Variants in CCBE1 observed in about 807,000 individuals in gnomAD.
The protein encoded by CCBE1 is collagen and calcium-binding EGF domain-containing protein 1.
A neutral mutation model predicts 50.0 loss-of-function variants in CCBE1; 37 were observed. The observed-to-expected ratio is 0.74, with a 90% CI of 0.57 to 0.97. CCBE1 has a LOEUF of 0.97. CCBE1 is among the 50% of genes least tolerant of loss of function. The pLI, the probability that CCBE1 is intolerant of heterozygous loss-of-function variation, is 0.00. For synonymous variants in CCBE1, 234 were observed against 203.7 expected (o/e 1.15, Z -1.27); for missense variants, 538 against 523.8 (o/e 1.03, Z -0.26).
intron 5 of CCBE1, among the ~76,000 whole-genome samples, chr18:59,457,875 C>G (rs17065825): frequency 0.19 from 28,342 of 152,198 alleles, 2,753 homozygotes; most frequent in Admixed American, 0.21. Context: ...CTCCAACAGA[C>G]TAAGGCAGGC....
intron 2 of CCBE1, among the ~76,000 whole-genome samples, chr18:59,589,424 T>C (rs1179186180): frequency 6.6e-6 from 1 of 152,130 alleles, no homozygotes; most frequent in Non-Finnish European, 1.5e-5. Flanking sequence ...CACAAAAGAC[T>C]ATTTCAACCA....
chr18:59,473,491 T>C (rs1351109082), intron 3 of CCBE1, among the ~76,000 whole-genome samples: 1 of 152,180 alleles, frequency 6.6e-6, no homozygotes, highest in Non-Finnish European at 1.5e-5. Flanking sequence ...TTGAATTATA[T>C]CTTTAAGAAC....
At chr18:59,498,166 T>A (rs887596859) in intron 2 of CCBE1, among the ~76,000 whole-genome samples, 1 of 152,086 alleles carries the variant, frequency 6.6e-6, no homozygotes, top group Non-Finnish European at 1.5e-5. Flanking sequence ...TGGAGATTCA[T>A]GTGGCATTTC....
intron 2 of CCBE1, among the ~76,000 whole-genome samples, chr18:59,589,160 G>A (rs888295147): frequency 3.9e-5 from 6 of 152,104 alleles, no homozygotes. Context: ...TCTCTTTCCT[G>A]GTCTCTATCT....
chr18:59,599,058 C>T (rs982265946), intron 2 of CCBE1, among the ~76,000 whole-genome samples: 1 of 152,152 alleles, frequency 6.6e-6, no homozygotes, highest in Admixed American at 6.5e-5. Flanking sequence ...TTTCCTCCTC[C>T]CTTCTTCGTT....
chr18:59,455,002 G>T (rs1400296074), intron 5 of CCBE1, 51 bp from the exon 6 acceptor site: 6 of 1,413,078 alleles, frequency 4.2e-6, no homozygotes, highest in South Asian at 1.1e-5. Flanking sequence ...ATGCAAGCCA[G>T]ACCCAGAGAG....
intron 2 of CCBE1, among the ~76,000 whole-genome samples, chr18:59,632,085 A>T (rs1284807837): frequency 6.6e-6 from 1 of 152,220 alleles, no homozygotes; most frequent in Admixed American, 6.5e-5. Flanking sequence ...ATAACTAAGC[A>T]TTGAATTTTC....
chr18:59,563,433 T>C (rs2144458765), intron 2 of CCBE1, among the ~76,000 whole-genome samples: 1 of 152,280 alleles, frequency 6.6e-6, no homozygotes, highest in Middle Eastern at 3.4e-3. Flanking sequence ...TATAGAAAAA[T>C]TGAAGTAAAA....
intron 2 of CCBE1, among the ~76,000 whole-genome samples, chr18:59,652,938 T>C (rs184630161): frequency 2.7e-5 from 4 of 147,810 alleles, no homozygotes; most frequent in African/African-American, 1.0e-4. Flanking sequence ...CACTCCAGCC[T>C]GGGAAACAAA....
At chr18:59,469,691 T>A in intron 3 of CCBE1, 84 bp from the exon 4 acceptor site, 1 of 1,577,344 alleles carries the variant, frequency 6.3e-7, no homozygotes, top group Non-Finnish European at 8.7e-7. Context: ...CTTTCTGGGC[T>A]GGGCTCTGCT....
rs1006544289 is a variant in CCBE1, at chr18:59,603,378, T to C, written c.212+93251A>G. The stretch of plus-strand genomic sequence containing the variant: ...AAGGTTCTTGTAAAGTTTTTATTAT[T>C]ATTTCTAAAACAATCACTCACCTCT... On this transcript the variant is annotated intron_variant, in intron 2 of 10. Coordinates refer to ENST00000439986, the MANE Select transcript of CCBE1 (RefSeq NM_133459.4). Among the ~76,000 whole-genome samples, 5 of 152,188 alleles carry C rather than the reference T, an allele frequency of 3.3e-5. No individual in the cohort carries two copies. The South Asian group carries it at 1.0e-3, about 32-fold the overall frequency.
intron 2 of CCBE1, among the ~76,000 whole-genome samples, chr18:59,614,991 A>G (rs1472512482): frequency 6.6e-6 from 1 of 152,228 alleles, no homozygotes; most frequent in Non-Finnish European, 1.5e-5. Flanking sequence ...GAAGTCTTCT[A>G]TGGCTCCATT....
chr18:59,686,962 G>A (rs1340888805), intron 2 of CCBE1, among the ~76,000 whole-genome samples: 1 of 147,882 alleles, frequency 6.8e-6, no homozygotes, highest in Admixed American at 7.0e-5. Context: ...GGGCAACCTT[G>A]CCTCTAAAGG....
At chr18:59,480,939 C>T (rs1471073136) in intron 2 of CCBE1, among the ~76,000 whole-genome samples, 2 of 152,166 alleles carry the variant, frequency 1.3e-5, no homozygotes, top group Non-Finnish European at 2.9e-5. Context: ...TGAATGAATA[C>T]AGCCAGATGC....
At chr18:59,627,287 GTGTAA>G (rs533785459) in intron 2 of CCBE1, among the ~76,000 whole-genome samples, 21 of 152,286 alleles carry the variant, frequency 1.4e-4, no homozygotes, top group East Asian at 7.7e-4. Context: ...GACAAAATTT[GTGTAA>G]TGTAGTCTAA....
intron 4 of CCBE1, among the ~76,000 whole-genome samples, chr18:59,467,599 T>C (rs1911812734): frequency 6.6e-6 from 1 of 152,184 alleles, no homozygotes; most frequent in Non-Finnish European, 1.5e-5. Flanking sequence ...ATGCACATCA[T>C]GGACTTGCTC....
chr18:59,612,195 C>A (rs1248844017), intron 2 of CCBE1, among the ~76,000 whole-genome samples: 1 of 151,820 alleles, frequency 6.6e-6, no homozygotes, highest in African/African-American at 2.4e-5. Context: ...TTGGCAGAAG[C>A]ACTGGCTCTT....
intron 2 of CCBE1, among the ~76,000 whole-genome samples, chr18:59,648,034 G>C (rs1330169335): frequency 1.3e-5 from 2 of 152,188 alleles, no homozygotes; most frequent in African/African-American, 4.8e-5. Flanking sequence ...ATGTGACAAA[G>C]AGAACATAGT....
rs1329585454 is a variant in CCBE1, at chr18:59,669,919, C to G, written c.212+26710G>C. ...CACAGTGTGTAGCACAGAATAGGCA[C>G]TCAAAAAAATTGCATCCATGATGAT... On this transcript the variant is annotated intron_variant, in intron 2 of 10. Coordinates refer to ENST00000439986, the MANE Select transcript of CCBE1 (RefSeq NM_133459.4). Among the ~76,000 whole-genome samples, 3 of 152,138 alleles carry G rather than the reference C, an allele frequency of 2.0e-5. No homozygotes were observed. The East Asian group carries it at 5.8e-4, about 29-fold the overall frequency.
Sources: allele counts gnomAD v4.1 joint callset (sites outside exome capture counted in the v4.1 genomes callset), GRCh38; gene constraint gnomAD v4.1.1; transcripts MANE v1.5; gene names NCBI Gene and HGNC (gene_info 2026-07-23, HGNC 2026-07-21).